MMP27: variants seen among roughly 807,000 people sequenced by gnomAD.
MMP27 encodes the protein matrix metalloproteinase-27.
MMP27 carries 51 observed loss-of-function variants against 48.1 expected under a neutral mutation model. The observed-to-expected ratio is 1.06, with a 90% CI of 0.85 to 1.34. MMP27 has a LOEUF of 1.34. Ranked by LOEUF, MMP27 falls within the 40% of genes most tolerant of loss-of-function variation. The pLI is 0.00. For synonymous variants in MMP27, 229 were observed against 208.9 expected (o/e 1.10, Z -0.83); for missense variants, 698 against 619.3 (o/e 1.13, Z -1.35).
intron 7 of MMP27, 25 bp downstream of exon 7, chr11:102,694,942 G>T: frequency 1.2e-6 from 2 of 1,612,624 alleles, no homozygotes. Context: ...AGAGGGAGAA[G>T]AGGAATCGGG....
Position 102,704,531 on chromosome 11 carries a change from C to A in MMP27, c.341+6G>T, listed in dbSNP as rs1861007644. The A allele has an allele frequency of 1.3e-6, 2 of 1,593,302 alleles. No homozygotes were observed. Among genetic ancestry groups the A allele is most frequent in the Middle Eastern group, 1.7e-4 (1 of 6,012 alleles). ...TTAGGCGGAAATAAGCTGGCAGAAG[C>A]ATTACCTGTAGGTGAGGTTGTATTT... On this transcript the variant is annotated splice_donor_region_variant and intron_variant, in intron 2 of 9. Transcript: ENST00000260229.
chr11:102,694,834 A>G, intron 7 of MMP27, 133 bp downstream of exon 7: 1 of 942,686 alleles, frequency 1.1e-6, no homozygotes, highest in Non-Finnish European at 1.5e-6. Context: ...ATTCTTTACG[A>G]CAGGAACCTA....
chr11:102,699,604 A>G (rs1860900434), intron 4 of MMP27, among the ~76,000 whole-genome samples: 1 of 152,356 alleles, frequency 6.6e-6, no homozygotes, highest in Non-Finnish European at 1.5e-5. Flanking sequence ...AAGCAAACGT[A>G]AAAGGGCAAA....
At position 102,691,818 on chromosome 11, in the gene MMP27, A is replaced by G. The variant is rs146412870; in HGVS notation, c.1490T>C (p.Leu497Ser). ...IKILYHKSLS[L>S]FIFGIVHLLK... ...CAAATGAACAATACCAAAAATAAAC[A>G]AGCTTAAACTCTTATGATACAATAT... The change falls in exon 10 of 10, where the codon TTG becomes TCG. Residue 497 changes from leucine to serine, a missense_variant. By Grantham distance (145) the Leu-to-Ser change is moderately radical. Transcript: ENST00000260229. The G allele has an allele frequency of 1.2e-6, 2 of 1,609,414 alleles. No individual in the cohort carries two copies. The highest frequency in any genetic ancestry group is 1.7e-6 in the Non-Finnish European group (2 of 1,177,464).
At chr11:102,702,935 A>G (rs759875894) in intron 3 of MMP27, 35 bp downstream of exon 3, 80 of 1,612,246 alleles carry the variant, frequency 5.0e-5, no homozygotes, top group Non-Finnish European at 6.6e-5. Context: ...ATCTCCTGAG[A>G]TAAAAATAGC....
In MMP27 at chr11:102,696,823, A is replaced by G. The variant is rs1407383824; in HGVS notation, c.632T>C (p.Phe211Ser). 6 of 1,610,018 alleles carry G rather than the reference A, an allele frequency of 3.7e-6. No homozygotes were observed. Among genetic ancestry groups the G allele is most frequent in the Non-Finnish European group, 5.1e-6 (6 of 1,179,036 alleles). ...WTKDGAGFNL[F>S]LVAAHEFGHA... Reference sequence around the variant, plus strand: ...ACCAAATTCATGAGCAGCCACAAGAAACAAGTTGAATCCTTGATAATAACA... The same window carrying G: ...ACCAAATTCATGAGCAGCCACAAGAGACAAGTTGAATCCTTGATAATAACA... The change falls in exon 5 of 10, where the codon TTT becomes TCT. Residue 211 changes from phenylalanine (F) to serine (S), a missense_variant. Coordinates refer to ENST00000260229, the MANE Select transcript of MMP27 (RefSeq NM_022122.3).
At chr11:102,699,052 G>A (rs1860887735) in intron 4 of MMP27, among the ~76,000 whole-genome samples, 1 of 152,188 alleles carries the variant, frequency 6.6e-6, no homozygotes, top group Admixed American at 6.5e-5. Context: ...TGCAAAAATG[G>A]TTAGATGTGT....
rs1860828384 is a variant in MMP27 at position 102,696,439 on chromosome 11, G to A, written c.834C>T (p.Ala278=). 3 of 1,613,748 alleles carry A rather than the reference G, an allele frequency of 1.9e-6. No individual in the cohort carries two copies. The highest frequency in any genetic ancestry group is 2.5e-6 in the Non-Finnish European group (3 of 1,179,868). The change falls in exon 6 of 10, where the codon GCC becomes GCT. Residue 278 remains alanine (A), a synonymous_variant. Transcript: ENST00000260229. The stretch of plus-strand genomic sequence containing the variant: ...CGTCAAAAGTCAAGTCAGGGTCACA[G>A]GCATGGGGTATAGTGGGTTCCTTTG... The part of the protein sequence containing the change: ...AKPKEPTIPH[A]CDPDLTFDAI...
In MMP27 at chr11:102,694,008, A is replaced by T; in HGVS notation, c.1091T>A (p.Ile364Asn). The T allele has an allele frequency of 6.2e-7, 1 of 1,610,220 alleles. No individual in the cohort carries two copies. Among genetic ancestry groups the T allele is most frequent in the Non-Finnish European group, 8.5e-7 (1 of 1,178,034 alleles). The change falls in exon 8 of 10, where the codon ATC (isoleucine) becomes AAC (asparagine). Residue 364 changes from isoleucine (I) to asparagine (N), a missense_variant. Coordinates refer to ENST00000260229, the MANE Select transcript of MMP27 (RefSeq NM_022122.3). ...ACGTCCTGGAAAACCTAATGTATGG[A>T]TGGATTTGGGATAATCTGGCAAGAC... ...YAVLPDYPKS[I>N]HTLGFPGRVK...
intron 4 of MMP27, among the ~76,000 whole-genome samples, chr11:102,697,450 A>G (rs1447811442): frequency 6.6e-6 from 1 of 152,168 alleles, no homozygotes; most frequent in Non-Finnish European, 1.5e-5. Flanking sequence ...GCTACACCAA[A>G]TTAAAAATAT....
chr11:102,697,120 T>C (rs1239738972), intron 4 of MMP27, among the ~76,000 whole-genome samples: 1 of 152,224 alleles, frequency 6.6e-6, no homozygotes, highest in Non-Finnish European at 1.5e-5. Context: ...TTACATGGTA[T>C]AGCCTCTTGC....
Position 102,691,877 on chromosome 11 carries a change from G to A in MMP27, c.1431C>T (p.Ile477=). 1 of 1,613,410 alleles carries A rather than the reference G, an allele frequency of 6.2e-7. No homozygotes were observed. Among genetic ancestry groups the A allele is most frequent in the Non-Finnish European group, 8.5e-7 (1 of 1,179,702 alleles). ...EPKNSSFGFD[I]NKEKAHSGGI... ...CTCCTGAATGTGCTTTTTCCTTGTT[G>A]ATATCAAAACCAAATGAGGAGTTCT... The change falls in exon 10 of 10, where the codon ATC becomes ATT. Residue 477 remains isoleucine, a synonymous_variant. Transcript: ENST00000260229.
At chr11:102,698,982 T>A (rs1289598584) in intron 4 of MMP27, among the ~76,000 whole-genome samples, 1 of 152,180 alleles carries the variant, frequency 6.6e-6, no homozygotes, top group Non-Finnish European at 1.5e-5. Flanking sequence ...TTAATTATCT[T>A]TTATTCCTAG....
At chr11:102,694,564 T>C (rs1281894292) in intron 7 of MMP27, among the ~76,000 whole-genome samples, 1 of 152,204 alleles carries the variant, frequency 6.6e-6, no homozygotes, top group East Asian at 1.9e-4. Context: ...ACTTTTGGTA[T>C]AAATAAATAC....
chr11:102,696,381 AG>A lies in MMP27; in HGVS notation c.891del (p.Phe298LeufsTer20), dbSNP rs1565426428. On this transcript the variant is annotated frameshift_variant, in exon 6 of 10. Coordinates refer to ENST00000260229, the MANE Select transcript of MMP27 (RefSeq NM_022122.3). LOFTEE classifies it high-confidence loss of function. ...AITTFRREVM[F>X]FKGRHLWRIY... Reference sequence around the variant, plus strand: ...GAGAAATGAGTTTACCTGCCTTTAAAGAACATTACTTCTCTGCGGAAAGTTG... The same window carrying A: ...GAGAAATGAGTTTACCTGCCTTTAAAAACATTACTTCTCTGCGGAAAGTTG... The A allele has an allele frequency of 6.2e-7, 1 of 1,613,726 alleles. No homozygotes were observed. Among genetic ancestry groups the A allele is most frequent in the Non-Finnish European group, 8.5e-7 (1 of 1,179,718 alleles).
intron 4 of MMP27, among the ~76,000 whole-genome samples, chr11:102,702,317 C>T (rs1290339148): frequency 2.0e-5 from 3 of 152,194 alleles, no homozygotes; most frequent in Non-Finnish European, 4.4e-5. Context: ...TACCACCTCC[C>T]TAGAGTCTTC....
intron 9 of MMP27, 67 bp downstream of exon 9, chr11:102,692,871 G>A (rs1366999654): frequency 1.5e-6 from 2 of 1,327,506 alleles, no homozygotes; most frequent in Non-Finnish European, 2.1e-6. Flanking sequence ...TTAAGTTTTT[G>A]TGCTGTCTTT....
chr11:102,698,141 T>C (rs1860868260), intron 4 of MMP27, among the ~76,000 whole-genome samples: 1 of 152,192 alleles, frequency 6.6e-6, no homozygotes, highest in African/African-American at 2.4e-5. Context: ...ATTAAATACA[T>C]AAACCAGTAA....
chr11:102,696,492 C>T lies in MMP27; in HGVS notation c.782-1G>A. On this transcript the variant is annotated splice_acceptor_variant, in intron 5 of 9. Coordinates refer to ENST00000260229, the MANE Select transcript of MMP27 (RefSeq NM_022122.3). LOFTEE classifies it high-confidence loss of function. ...TTAGCAGGTTCCTTAGGCAGACCTC[C>T]TTTGATGAGAAAAAAAATACCACAA... is the stretch of plus-strand genomic sequence containing the variant. 1.2e-6 allele frequency: 2 copies of T among 1,612,186 alleles called. No individual in the cohort carries two copies. The highest frequency in any genetic ancestry group is 8.5e-7 in the Non-Finnish European group (1 of 1,179,382).
Sources: allele counts gnomAD v4.1 joint callset (sites outside exome capture counted in the v4.1 genomes callset), GRCh38; gene constraint gnomAD v4.1.1; transcripts MANE v1.5; gene names NCBI Gene and HGNC (gene_info 2026-07-23, HGNC 2026-07-21).